Variants in TNS3 observed in about 807,000 individuals in gnomAD.
TNS3 encodes the protein tensin 3, also known as tensin-3.
Under a neutral mutation model 140.9 loss-of-function variants are expected in TNS3, and 45 were observed. The ratio of observed to expected loss-of-function variants is 0.32; its 90% CI spans 0.25 to 0.41. The LOEUF (loss-of-function observed/expected upper bound fraction) is 0.41, where lower values mean the gene tolerates loss of function less well. Ranked by LOEUF, TNS3 falls within the 10% of genes least tolerant of loss-of-function variation. The pLI is 1.00. For synonymous variants in TNS3, 815 were observed against 788.4 expected, an observed-to-expected ratio of 1.03 and a Z score of -0.56; for missense variants, 1,716 against 1,906.7, an observed-to-expected ratio of 0.90 and a Z score of 1.86.
chr7:47,394,759 A>G (rs1188858421), intron 16 of TNS3, among the ~76,000 whole-genome samples: 2 of 152,342 alleles, frequency 1.3e-5, no homozygotes, highest in Non-Finnish European at 2.9e-5. Flanking sequence ...TTTTCTGTCT[A>G]TATGTTTTCT....
chr7:47,368,528 G>C lies in TNS3; in HGVS notation c.2118C>G (p.Ile706Met). ...DQSIEQLNRL[I>M]LELDPTFEPI... ...GCTCGAAGGTGGGATCCAGCTCCAG[G>C]ATCAGCCTGTTGAGCTGCTCGATGG... Residue 706 changes from isoleucine to methionine, a missense_variant, in exon 17 of 31, where the codon ATC becomes ATG. Ile to Met is a conservative substitution (Grantham distance 10). This residue lies in a region of TNS3 where 1,163 missense variants were observed against 1,182.1 expected (regional missense o/e 0.98). Transcript: ENST00000311160. 6.3e-7 allele frequency: 1 copy of C among 1,588,650 alleles called. No homozygotes were observed. The highest frequency in any genetic ancestry group is 8.6e-7 in the Non-Finnish European group (1 of 1,162,732).
rs188031044 is a variant in TNS3, at chr7:47,298,559, T to C, written c.3545-1346A>G. 2.6e-5 allele frequency among the ~76,000 whole-genome samples: 4 copies of C among 152,376 alleles called. No homozygotes were observed. In the East Asian group the frequency reaches 7.7e-4, roughly 29 times the overall value. On this transcript the variant is annotated intron_variant, in intron 23 of 30. Coordinates refer to ENST00000311160, the MANE Select transcript of TNS3 (RefSeq NM_022748.12). ...TTTAAAAAAGGGAAAACTGGGGATT[T>C]AGAGTATAAAGTTATACATAATTAC...
At chr7:47,382,747 T>C (rs926440584) in intron 16 of TNS3, among the ~76,000 whole-genome samples, 3 of 150,986 alleles carry the variant, frequency 2.0e-5, no homozygotes, top group African/African-American at 7.3e-5. Flanking sequence ...AACCTGAGTA[T>C]AGGAAAAGTG....
At chr7:47,389,049 A>T (rs1190888622) in intron 16 of TNS3, among the ~76,000 whole-genome samples, 3 of 51,680 alleles carry the variant, frequency 5.8e-5, no homozygotes, top group African/African-American at 2.8e-4. Context: ...GAAGAAGAAG[A>T]AGAAGAAGAA....
At chr7:47,516,594 C>T (rs888292290) in intron 2 of TNS3, among the ~76,000 whole-genome samples, 1 of 152,158 alleles carries the variant, frequency 6.6e-6, no homozygotes, top group Non-Finnish European at 1.5e-5. Flanking sequence ...AGTGACTGTG[C>T]CCGGCTCCCA....
At chr7:47,279,541 A>C (rs1785032700) in intron 30 of TNS3, 1 of 155,082 alleles carries the variant, frequency 6.4e-6, no homozygotes, top group Non-Finnish European at 1.4e-5. Context: ...CGTCTCTACT[A>C]AATACAAAAA....
rs2150508141 is a variant in TNS3 at position 47,276,120 on chromosome 7, A to G, written c.*1956T>C. ...AACCGAGATGCTAGAGGCCTCTGCT[A>G]AAGACATCAGGGTCAACACATGAGG... is the stretch of plus-strand genomic sequence containing the variant. On this transcript the variant is annotated 3_prime_UTR_variant, in exon 31 of 31. Coordinates refer to ENST00000311160, the MANE Select transcript of TNS3 (RefSeq NM_022748.12). The G allele has an allele frequency of 4.0e-6, 1 of 248,220 alleles. No individual in the cohort carries two copies. Among genetic ancestry groups the G allele is most frequent in the East Asian group, 1.1e-4 (1 of 8,736 alleles). The allele number at this position is 248,220 out of a possible 1,614,324, so 15.4% of individuals were successfully genotyped here. A position where few individuals can be genotyped will look rare whatever the true frequency, so the allele number is the denominator to read the frequency against.
At chr7:47,294,666 A>G (rs567563737) in intron 24 of TNS3, among the ~76,000 whole-genome samples, 8 of 152,392 alleles carry the variant, frequency 5.2e-5, no homozygotes, top group African/African-American at 1.9e-4. Context: ...CTTGGTCCCC[A>G]GTGCCTTGCC....
rs746220863 is a variant in TNS3, at chr7:47,369,509, G to A, written c.1137C>T (p.Ser379=). ...ACAAGGTGTGGTCACTGTGGTCTGG[G>A]CTGTTGGTGGCCGGGATTGCCTGGG... ...GGPQAIPATN[S]PDHSDHTLSV... is the part of the protein sequence containing the mutation. The change falls in exon 17 of 31, where the codon AGC becomes AGT. Residue 379 remains serine, a synonymous_variant. Transcript: ENST00000311160. 4 of 1,613,980 alleles carry A rather than the reference G, an allele frequency of 2.5e-6. No homozygotes were observed. In the African/African-American group the frequency reaches 4.0e-5, roughly 16 times the overall value.
rs759779839 is a variant in TNS3 at position 47,368,576 on chromosome 7, C to A, written c.2070G>T (p.Ser690=). 8 of 1,567,214 alleles carry A rather than the reference C, an allele frequency of 5.1e-6. No individual in the cohort carries two copies. Among genetic ancestry groups the A allele is most frequent in the Non-Finnish European group, 5.2e-6 (6 of 1,153,310 alleles). Residue 690 remains serine (S), a synonymous_variant, in exon 17 of 31, where the codon TCG becomes TCT. Coordinates refer to ENST00000311160, the MANE Select transcript of TNS3 (RefSeq NM_022748.12). ...TGGACTGGTCGATGTCCAGGGTGGG[C>A]GAGCCTGGGGAGGGGCCTGTGCTCA... ...PELSTGPSPG[S]PTLDIDQSIE...
At chr7:47,306,160 C>A (rs996145357) in intron 20 of TNS3, among the ~76,000 whole-genome samples, 5 of 152,146 alleles carry the variant, frequency 3.3e-5, no homozygotes, top group African/African-American at 4.8e-5. Context: ...AAGGAATTAT[C>A]AACAGCATAT....
intron 13 of TNS3, chr7:47,405,639 G>T (rs1391451694): frequency 4.3e-6 from 3 of 701,220 alleles, no homozygotes; most frequent in Admixed American, 2.0e-5. Flanking sequence ...TGACAGCATG[G>T]ATTAAGACCC....
At chr7:47,524,126 T>C (rs909367278) in intron 2 of TNS3, among the ~76,000 whole-genome samples, 1 of 152,154 alleles carries the variant, frequency 6.6e-6, no homozygotes. Flanking sequence ...CAGGGTGCAG[T>C]GCAGCACTGC....
At chr7:47,318,758 C>T (rs1787557097) in intron 20 of TNS3, among the ~76,000 whole-genome samples, 3 of 152,206 alleles carry the variant, frequency 2.0e-5, no homozygotes, top group Admixed American at 6.5e-5. Context: ...GTATACACCA[C>T]GTCCACACAG....
intron 1 of TNS3, among the ~76,000 whole-genome samples, chr7:47,563,142 G>A (rs1584859645): frequency 6.6e-6 from 1 of 152,230 alleles, no homozygotes; most frequent in African/African-American, 2.4e-5. Context: ...CAGAGTGAGT[G>A]AGGCAGATGG....
chr7:47,315,917 T>C (rs1017197017), intron 20 of TNS3, among the ~76,000 whole-genome samples: 2 of 152,230 alleles, frequency 1.3e-5, no homozygotes, highest in Non-Finnish European at 2.9e-5. Context: ...ATATCACCTT[T>C]AATGAAAAAT....
At chr7:47,292,157 A>G (rs991935461) in intron 26 of TNS3, 125 bp from the exon 27 acceptor site, 2 of 897,860 alleles carry the variant, frequency 2.2e-6, no homozygotes, top group African/African-American at 3.3e-5. Flanking sequence ...TGCAGAGTCA[A>G]GAGTTTCTCT....
Position 47,369,067 on chromosome 7 carries a change from T to C in TNS3, c.1579A>G (p.Ser527Gly). ...QNSLLSDGFG[S>G]NVGEDPQGTL... ...CCCTGCGGATCTTCACCAACGTTGC[T>C]GCCAAAACCGTCAGATAGGAGTGAG... The change falls in exon 17 of 31, where the codon AGC becomes GGC. Residue 527 changes from serine to glycine, a missense_variant. Ser to Gly is a moderately conservative substitution (Grantham distance 56). Around this residue, in one of 3 missense-constraint regions of TNS3, gnomAD observed 1,163 missense variants for 1,182.1 expected, o/e 0.98. Coordinates refer to ENST00000311160, the MANE Select transcript of TNS3 (RefSeq NM_022748.12). 9 of 1,614,066 alleles carry C rather than the reference T, an allele frequency of 5.6e-6. No individual in the cohort carries two copies. Among genetic ancestry groups the C allele is most frequent in the Non-Finnish European group, 7.6e-6 (9 of 1,180,020 alleles).
At chr7:47,568,855 C>T (rs1328965171) in intron 1 of TNS3, among the ~76,000 whole-genome samples, 4 of 152,350 alleles carry the variant, frequency 2.6e-5, no homozygotes, top group Admixed American at 1.3e-4. Flanking sequence ...TGAAGTGGGC[C>T]GCAGCCTCTT....
Sources: gnomAD v4.1 joint callset for allele counts (sites outside exome capture counted in the v4.1 genomes callset) on GRCh38, gnomAD v4.1.1 for gene constraint, gnomAD v4.1.1 regional missense constraint, MANE v1.5 for transcripts, NCBI Gene and HGNC (gene_info 2026-07-23, HGNC 2026-07-21) for gene names.